Variants in PSMD9 observed in about 807,000 individuals in gnomAD.
The protein encoded by PSMD9 is 26S proteasome non-ATPase regulatory subunit 9.
Under a neutral mutation model 25.9 loss-of-function variants are expected in PSMD9, and 26 were observed. The ratio of observed to expected loss-of-function variants is 1.00; its 90% CI spans 0.73 to 1.39. PSMD9 has a LOEUF of 1.39. Among genes scored for constraint, PSMD9 ranks in the 40% most tolerant of loss-of-function variants. The probability of loss-of-function intolerance (pLI) is 0.00; values close to 1 mark genes in which losing one functional copy is unlikely to be tolerated. For synonymous variants in PSMD9, 110 were observed against 114.5 expected (o/e 0.96, Z 0.25); for missense variants, 303 against 299.3 (o/e 1.01, Z -0.09).
intron 4 of PSMD9, among the ~76,000 whole-genome samples, chr12:121,910,760 C>CA (rs398056016): frequency 0.028 from 3,685 of 130,582 alleles, 141 homozygotes; most frequent in African/African-American, 0.095. Context: ...AACTTTGTCT[C>CA]AAAAAAAAAA....
chr12:121,910,295 A>G (rs1406238597), intron 4 of PSMD9, among the ~76,000 whole-genome samples: 2 of 151,412 alleles, frequency 1.3e-5, no homozygotes, highest in African/African-American at 4.8e-5. Flanking sequence ...TATGTTGGCC[A>G]GGATGGTCTC....
At chr12:121,901,942 A>C (rs1053143631) in intron 3 of PSMD9, 1 of 151,800 alleles carries the variant, frequency 6.6e-6, no homozygotes, top group Non-Finnish European at 1.5e-5. Context: ...CAGCCTCCCA[A>C]AGTGCTGGGA....
At chr12:121,913,506 T>C (rs1458751129) in intron 4 of PSMD9, among the ~76,000 whole-genome samples, 2 of 151,396 alleles carry the variant, frequency 1.3e-5, no homozygotes, top group Non-Finnish European at 3.0e-5. Flanking sequence ...TTTTTTTTTT[T>C]TTTAAGACAG....
chr12:121,895,987 C>T (rs1879216867), intron 2 of PSMD9, among the ~76,000 whole-genome samples: 1 of 152,172 alleles, frequency 6.6e-6, no homozygotes, highest in Non-Finnish European at 1.5e-5. Flanking sequence ...AATCTTGATT[C>T]CATCTGCATC....
At chr12:121,903,697 C>G (rs757025075) in intron 4 of PSMD9, among the ~76,000 whole-genome samples, 20 of 151,942 alleles carry the variant, frequency 1.3e-4, no homozygotes, top group Non-Finnish European at 2.4e-4. Context: ...CCCAAATTCC[C>G]CTCTCCTCTG....
intron 4 of PSMD9, among the ~76,000 whole-genome samples, chr12:121,912,175 G>A (rs1333189141): frequency 3.9e-5 from 6 of 151,910 alleles, no homozygotes; most frequent in African/African-American, 1.2e-4. Context: ...GAGTAGCTGG[G>A]ACTACAGGCA....
rs1879334016 is a variant in PSMD9, at chr12:121,899,738, C to T, written c.346C>T (p.His116Tyr). The change falls in exon 3 of 6, where the codon CAC (histidine) becomes TAC (tyrosine). Residue 116 changes from histidine (H) to tyrosine (Y), a missense_variant. Coordinates refer to ENST00000541212, the MANE Select transcript of PSMD9 (RefSeq NM_002813.7). The part of the protein sequence containing the change: ...EKQARDMAEA[H>Y]KEAMSRKLGQ... ...GCAGGCCCGGGACATGGCTGAGGCC[C>T]ACAAAGAGGCCATGAGCCGCAAACT... The T allele has an allele frequency of 6.2e-7, 1 of 1,613,984 alleles. No individual in the cohort carries two copies. The highest frequency in any genetic ancestry group is 1.3e-5 in the African/African-American group (1 of 74,906).
At chr12:121,913,740 C>G (rs923394876) in intron 4 of PSMD9, among the ~76,000 whole-genome samples, 2 of 152,000 alleles carry the variant, frequency 1.3e-5, no homozygotes, top group African/African-American at 4.8e-5. Context: ...CTGAGGCAGT[C>G]CTCCTGCCTG....
chr12:121,910,216 G>T (rs1269641913), intron 4 of PSMD9, among the ~76,000 whole-genome samples: 1 of 150,104 alleles, frequency 6.7e-6, no homozygotes, highest in African/African-American at 2.5e-5. Context: ...CTCCCAAGTA[G>T]CTGGGACTAC....
intron 4 of PSMD9, among the ~76,000 whole-genome samples, chr12:121,907,201 T>C (rs2928282): frequency 0.75 from 113,782 of 151,102 alleles, 42,967 homozygotes; most frequent in Middle Eastern, 0.81. Context: ...TCCCAAGTAG[T>C]TGGGACTACA....
At chr12:121,903,186 C>T (rs1592945485) in intron 4 of PSMD9, 79 bp downstream of exon 4, 1 of 1,278,290 alleles carries the variant, frequency 7.8e-7, no homozygotes, top group East Asian at 2.3e-5. Context: ...TTACAAACAA[C>T]AGAAGTTCAT....
intron 3 of PSMD9, among the ~76,000 whole-genome samples, chr12:121,900,985 T>TAAAAAA (rs749082407): frequency 4.5e-5 from 4 of 89,480 alleles, no homozygotes; most frequent in Admixed American, 2.7e-4. Flanking sequence ...AGACTCTGTC[T>TAAAAAA]AAAAAAAAAA....
intron 4 of PSMD9, among the ~76,000 whole-genome samples, chr12:121,906,991 TCA>T (rs984640330): frequency 2.0e-5 from 3 of 150,212 alleles, no homozygotes; most frequent in Admixed American, 6.7e-5. Flanking sequence ...ACCAAAAAAC[TCA>T]CAGTGTTCTA....
At chr12:121,911,436 A>T (rs1592950054) in intron 4 of PSMD9, among the ~76,000 whole-genome samples, 1 of 152,194 alleles carries the variant, frequency 6.6e-6, no homozygotes, top group Admixed American at 6.5e-5. Context: ...ATTCGACTGT[A>T]TGTATACACC....
chr12:121,910,813 A>G, intron 4 of PSMD9: 1 of 359,286 alleles, frequency 2.8e-6, no homozygotes, highest in Non-Finnish European at 5.6e-6. Context: ...CTTTAGTGGC[A>G]TTAAGTACAT....
rs1421557179 is a variant in PSMD9 at position 121,917,825 on chromosome 12, AT to A, written c.*1515del. The A allele has an allele frequency of 3.3e-5, 5 of 152,248 alleles. No individual in the cohort carries two copies. Among genetic ancestry groups the A allele is most frequent in the African/African-American group, 1.2e-4 (5 of 41,468 alleles). 9.4% of individuals were successfully genotyped at this position (152,248 alleles called of 1,614,324 possible). On this transcript the variant is annotated 3_prime_UTR_variant, in exon 6 of 6. Transcript: ENST00000541212. ...TTCCACGTATTTTCCAGTCTCTTTT[AT>A]AAAGTCTCAGACTATAATAAACACA...
chr12:121,909,003 A>G (rs1308661748), intron 4 of PSMD9, among the ~76,000 whole-genome samples: 2 of 151,484 alleles, frequency 1.3e-5, no homozygotes, highest in Non-Finnish European at 2.9e-5. Flanking sequence ...GAGCCACCGC[A>G]CAGTTCCAGA....
chr12:121,913,273 G>T (rs1238100130), intron 4 of PSMD9, among the ~76,000 whole-genome samples: 3 of 151,810 alleles, frequency 2.0e-5, no homozygotes, highest in Admixed American at 1.3e-4. Context: ...TAGAGACGGG[G>T]TTTCACCGTG....
intron 4 of PSMD9, among the ~76,000 whole-genome samples, chr12:121,909,519 C>G (rs1265336194): frequency 1.3e-5 from 2 of 151,398 alleles, no homozygotes; most frequent in African/African-American, 4.9e-5. Flanking sequence ...CAGGGTCTTG[C>G]TATGTTGCCT....
Sources: allele counts gnomAD v4.1 joint callset (sites outside exome capture counted in the v4.1 genomes callset), GRCh38; gene constraint gnomAD v4.1.1; transcripts MANE v1.5; gene names NCBI Gene and HGNC (gene_info 2026-07-23, HGNC 2026-07-21).